The following NRXN1 variants were observed in gnomAD, a reference collection of about 807,000 sequenced individuals.
NRXN1 encodes the protein neurexin 1, also known as neurexin-1.
Under a neutral mutation model 150.9 loss-of-function variants are expected in NRXN1, and 39 were observed. The observed-to-expected ratio is 0.26, with a 90% CI of 0.20 to 0.34. NRXN1 has a LOEUF of 0.34. Ranked by LOEUF, NRXN1 falls within the 10% of genes least tolerant of loss-of-function variation. The pLI, the probability that NRXN1 is intolerant of heterozygous loss-of-function variation, is 1.00. For missense variants in NRXN1, 1,815 were observed against 1,949.9 expected (o/e 0.93, Z 1.30); for synonymous variants, 924 against 757.0 (o/e 1.22, Z -3.62).
At chr2:50,574,012 T>A (rs1485847671) in intron 8 of NRXN1, among the ~76,000 whole-genome samples, 1 of 152,082 alleles carries the variant, frequency 6.6e-6, no homozygotes, top group Non-Finnish European at 1.5e-5. Flanking sequence ...ATAACAAACA[T>A]ATGTCTTGTT....
rs373448169 is a variant in NRXN1 at position 50,274,834 on chromosome 2, G to C, written c.3365-37864C>G. ...TAGTAGTCGATGTTGCCTAAATAGA[G>C]TCTCGAAGCCTACAATCTGTAGGCT... On this transcript the variant is annotated intron_variant, in intron 17 of 22. Transcript: ENST00000401669. Among the ~76,000 whole-genome samples the C allele has an allele frequency of 2.2e-4, 34 of 152,072 alleles. No individual in the cohort carries two copies. The East Asian group carries it at 5.0e-3, about 23-fold the overall frequency.
At chr2:50,260,149 C>T (rs996143509) in intron 17 of NRXN1, among the ~76,000 whole-genome samples, 2 of 151,844 alleles carry the variant, frequency 1.3e-5, no homozygotes, top group African/African-American at 2.4e-5. Flanking sequence ...ATAACCACTA[C>T]TTTTATCTAT....
chr2:50,487,851 G>A (rs1248023823), intron 15 of NRXN1, among the ~76,000 whole-genome samples: 2 of 152,116 alleles, frequency 1.3e-5, no homozygotes, highest in South Asian at 2.1e-4. Flanking sequence ...TAGGACCCTC[G>A]CATCTGCACA....
intron 5 of NRXN1, among the ~76,000 whole-genome samples, chr2:50,859,600 G>A (rs1188813982): frequency 6.7e-6 from 1 of 149,358 alleles, no homozygotes; most frequent in Non-Finnish European, 1.5e-5. Flanking sequence ...GTTGGTTACA[G>A]GTATTTTTTT....
intron 17 of NRXN1, among the ~76,000 whole-genome samples, chr2:50,248,473 C>T (rs779183909): frequency 6.6e-5 from 10 of 152,086 alleles, no homozygotes; most frequent in Non-Finnish European, 1.3e-4. Context: ...TTTTGTTCTA[C>T]CTAATAAATT....
chr2:50,275,153 C>T (rs1045255378), intron 17 of NRXN1, among the ~76,000 whole-genome samples: 1 of 152,116 alleles, frequency 6.6e-6, no homozygotes, highest in Non-Finnish European at 1.5e-5. Context: ...TTATCTTTTA[C>T]AATGAACTAC....
chr2:50,477,635 T>C (rs1420700440), intron 15 of NRXN1, among the ~76,000 whole-genome samples: 2 of 152,248 alleles, frequency 1.3e-5, no homozygotes, highest in African/African-American at 4.8e-5. Context: ...TATTCACATG[T>C]ACTTTTTTGA....
intron 5 of NRXN1, among the ~76,000 whole-genome samples, chr2:50,640,300 T>C (rs919387203): frequency 2.0e-5 from 3 of 152,126 alleles, no homozygotes; most frequent in Non-Finnish European, 4.4e-5. Flanking sequence ...CAATGTGTAA[T>C]ATCTGTGGCT....
At chr2:51,018,068 C>A (rs1470142053) in intron 2 of NRXN1, among the ~76,000 whole-genome samples, 1 of 152,058 alleles carries the variant, frequency 6.6e-6, no homozygotes, top group East Asian at 1.9e-4. Context: ...ACACTTAAGC[C>A]TAGCTGTTTC....
At chr2:50,375,997 C>T (rs941324916) in intron 17 of NRXN1, among the ~76,000 whole-genome samples, 6 of 151,580 alleles carry the variant, frequency 4.0e-5, no homozygotes, top group Admixed American at 4.0e-4. Flanking sequence ...ATATTCTCTA[C>T]TTGGACCCTG....
intron 12 of NRXN1, among the ~76,000 whole-genome samples, chr2:50,518,899 G>A (rs1283145982): frequency 9.5e-6 from 1 of 105,054 alleles, no homozygotes; most frequent in Admixed American, 9.7e-5. Flanking sequence ...CCAAAAGTAA[G>A]AAGCATATTA....
intron 18 of NRXN1, among the ~76,000 whole-genome samples, chr2:50,214,295 T>C (rs2063234806): frequency 6.6e-6 from 1 of 152,018 alleles, no homozygotes; most frequent in Non-Finnish European, 1.5e-5. Flanking sequence ...TATCCAGTAA[T>C]TGTCCCTAAA....
chr2:50,464,833 A>T (rs1573083309), intron 17 of NRXN1, among the ~76,000 whole-genome samples: 1 of 152,040 alleles, frequency 6.6e-6, no homozygotes, highest in East Asian at 1.9e-4. Context: ...CTGTGATATA[A>T]ATTAGGCACT....
chr2:50,892,785 T>C (rs373028407), intron 5 of NRXN1, among the ~76,000 whole-genome samples: 5 of 152,212 alleles, frequency 3.3e-5, no homozygotes, highest in Non-Finnish European at 5.9e-5. Flanking sequence ...ATATTATATA[T>C]TGGAGCAGCC....
chr2:50,314,598 T>C (rs2075440891), intron 17 of NRXN1, among the ~76,000 whole-genome samples: 2 of 145,302 alleles, frequency 1.4e-5, no homozygotes, highest in South Asian at 4.4e-4. Context: ...CATTGTTTGG[T>C]AAATGCCATT....
At chr2:50,035,784 T>C (rs965762210) in intron 21 of NRXN1, among the ~76,000 whole-genome samples, 1 of 152,128 alleles carries the variant, frequency 6.6e-6, no homozygotes, top group Non-Finnish European at 1.5e-5. Flanking sequence ...TTAATGAAAC[T>C]TGTGGAACTC....
chr2:50,444,883 G>GT (rs1247860355), intron 17 of NRXN1, among the ~76,000 whole-genome samples: 1 of 151,850 alleles, frequency 6.6e-6, no homozygotes, highest in Non-Finnish European at 1.5e-5. Context: ...TATTCAGATT[G>GT]TTTTTTTCAA....
intron 2 of NRXN1, among the ~76,000 whole-genome samples, chr2:51,019,397 T>G (rs1664704549): frequency 1.3e-5 from 2 of 152,092 alleles, no homozygotes; most frequent in Admixed American, 1.3e-4. Context: ...AATAGTAATT[T>G]TAATAAAAAC....
intron 15 of NRXN1, among the ~76,000 whole-genome samples, chr2:50,476,720 A>G (rs895793149): frequency 2.0e-5 from 3 of 152,054 alleles, no homozygotes; most frequent in Non-Finnish European, 2.9e-5. Flanking sequence ...TATTTTTTCT[A>G]TTGGATTTAG....
Sources: gnomAD v4.1 joint callset for allele counts (sites outside exome capture counted in the v4.1 genomes callset) on GRCh38, gnomAD v4.1.1 for gene constraint, MANE v1.5 for transcripts, NCBI Gene and HGNC (gene_info 2026-07-23, HGNC 2026-07-21) for gene names.